Variants in LRRC52 observed in about 807,000 individuals in gnomAD.
The protein encoded by LRRC52 is leucine rich repeat containing 52, also known as leucine-rich repeat-containing protein 52.
LRRC52 carries 15 observed loss-of-function variants against 14.7 expected under a neutral mutation model. The observed-to-expected ratio is 1.02, with a 90% CI of 0.68 to 1.58. The LOEUF (loss-of-function observed/expected upper bound fraction) is 1.58, where lower values mean the gene tolerates loss of function less well. Ranked by LOEUF, LRRC52 falls within the 40% of genes most tolerant of loss-of-function variation. The pLI is 0.00. For synonymous variants in LRRC52, 180 were observed against 163.9 expected, an observed-to-expected ratio of 1.10 and a Z score of -0.75; for missense variants, 400 against 387.7, an observed-to-expected ratio of 1.03 and a Z score of -0.27.
rs1010254780 is a variant in LRRC52 at position 165,562,087 on chromosome 1, T to C, written c.623-1418T>C. 3.3e-5 allele frequency among the ~76,000 whole-genome samples: 5 copies of C among 152,314 alleles called. No homozygotes were observed. The East Asian group carries it at 9.7e-4, about 29-fold the overall frequency. ...CTCCACAATAGCTCCTGTTTGCAAA[T>C]CCCACTTACGCAAAGCAAGCTCACA... is the stretch of plus-strand genomic sequence containing the variant. On this transcript the variant is annotated intron_variant, in intron 1 of 1. Coordinates refer to ENST00000294818, the MANE Select transcript of LRRC52 (RefSeq NM_001005214.4).
intron 1 of LRRC52, among the ~76,000 whole-genome samples, chr1:165,557,434 G>C (rs906410485): frequency 6.6e-6 from 1 of 152,174 alleles, no homozygotes; most frequent in South Asian, 2.1e-4. Context: ...CTCCACCTGA[G>C]CATTACGTCA....
chr1:165,548,272 A>G (rs1355302681), intron 1 of LRRC52, among the ~76,000 whole-genome samples: 1 of 152,222 alleles, frequency 6.6e-6, no homozygotes, highest in African/African-American at 2.4e-5. Context: ...TTGAAAAGCA[A>G]TGCAGTGAAG....
rs1422965626 is a variant in LRRC52, at chr1:165,544,756, T to C, written c.460T>C (p.Tyr154His). 2 of 1,613,866 alleles carry C rather than the reference T, an allele frequency of 1.2e-6. No individual in the cohort carries two copies. Among genetic ancestry groups the C allele is most frequent in the Non-Finnish European group, 1.7e-6 (2 of 1,179,992 alleles). Residue 154 changes from tyrosine to histidine, a missense_variant, in exon 1 of 2, where the codon TAC (tyrosine) becomes CAC (histidine). Physicochemically the swap from Tyr to His is moderately conservative, Grantham distance 83. Coordinates refer to ENST00000294818, the MANE Select transcript of LRRC52 (RefSeq NM_001005214.4). Reference sequence around the variant, plus strand: ...CTTTGCCAACACCACCTCTTTGAGGTACCTGGACCTCAGAAATACCGGCTT... The same window carrying C: ...CTTTGCCAACACCACCTCTTTGAGGCACCTGGACCTCAGAAATACCGGCTT... Reference protein sequence around the residue: ...FTFANTTSLRYLDLRNTGLQT... With the variant: ...FTFANTTSLRHLDLRNTGLQT...
intron 1 of LRRC52, among the ~76,000 whole-genome samples, chr1:165,557,446 G>C (rs191103090): frequency 6.6e-6 from 1 of 152,206 alleles, no homozygotes; most frequent in East Asian, 1.9e-4. Flanking sequence ...ATTACGTCAG[G>C]GACAGTGAGC....
rs192411316 is a variant in LRRC52, at chr1:165,550,492, A to G, written c.622+5574A>G. Among the ~76,000 whole-genome samples, 222 of 152,348 alleles carry G rather than the reference A, an allele frequency of 1.5e-3. 1 individual carries two copies. The highest frequency in any genetic ancestry group is 5.3e-3 in the African/African-American group (219 of 41,582). ...TACATTTAAATAGCCACCTAAGGCT[A>G]CTGGCTACCATACTGGTTAGGGTAG... On this transcript the variant is annotated intron_variant, in intron 1 of 1. Transcript: ENST00000294818.
chr1:165,563,678 A>C lies in LRRC52; in HGVS notation c.796A>C (p.Thr266Pro). The stretch of plus-strand genomic sequence containing the variant: ...CGCGGGAACTGTGGCTGCCTGGCTC[A>C]CAGGTGTGTGTGCTGTGCTCTACCA... ...FAAGTVAAWL[T>P]GVCAVLYQNT... Residue 266 changes from threonine (T) to proline (P), a missense_variant, in exon 2 of 2, where the codon ACA (threonine) becomes CCA (proline). Coordinates refer to ENST00000294818, the MANE Select transcript of LRRC52 (RefSeq NM_001005214.4). The C allele has an allele frequency of 6.2e-7, 1 of 1,614,178 alleles. No homozygotes were observed.
intron 1 of LRRC52, among the ~76,000 whole-genome samples, chr1:165,550,920 A>G (rs1471889514): frequency 1.3e-5 from 2 of 152,102 alleles, no homozygotes; most frequent in Non-Finnish European, 2.9e-5. Flanking sequence ...CCTTAAAATA[A>G]AGGATTTGGG....
At chr1:165,545,088 A>C (rs1422905414) in intron 1 of LRRC52, among the ~76,000 whole-genome samples, 170 bp downstream of exon 1, 1 of 152,170 alleles carries the variant, frequency 6.6e-6, no homozygotes, top group Non-Finnish European at 1.5e-5. Context: ...AGTAAGAAAA[A>C]GTTCTGAAAT....
intron 1 of LRRC52, among the ~76,000 whole-genome samples, chr1:165,550,395 C>T (rs1159094182): frequency 4.6e-5 from 7 of 152,258 alleles, no homozygotes; most frequent in South Asian, 2.1e-4. Context: ...AGTCACTAGC[C>T]GCATGTGGCC....
rs753418467 is a variant in LRRC52, at chr1:165,544,520, TC to T, written c.226del (p.Leu76SerfsTer17). 5.6e-6 allele frequency: 9 copies of T among 1,614,028 alleles called. No individual in the cohort carries two copies. The Admixed American group carries it at 1.5e-4, about 27-fold the overall frequency. ...ITSLPAMHLG[L>X]LSDLVYLDCQ... is the part of the protein sequence containing the mutation. The stretch of plus-strand genomic sequence containing the variant: ...AGTTTGCCAGCAATGCATCTAGGAC[TC>T]CTCAGTGACCTTGTTTATTTGGACT... On this transcript the variant is annotated frameshift_variant, in exon 1 of 2. Transcript: ENST00000294818. LOFTEE classifies it high-confidence loss of function.
At chr1:165,551,567 T>A (rs929354897) in intron 1 of LRRC52, among the ~76,000 whole-genome samples, 3 of 151,578 alleles carry the variant, frequency 2.0e-5, no homozygotes, top group African/African-American at 7.3e-5. Context: ...GGACAGAGAG[T>A]CCCCTCTGTG....
intron 1 of LRRC52, among the ~76,000 whole-genome samples, chr1:165,553,935 A>G (rs1661184693): frequency 1.3e-5 from 2 of 152,194 alleles, no homozygotes; most frequent in African/African-American, 4.8e-5. Flanking sequence ...TTAGGCGACT[A>G]TAAAATATCC....
chr1:165,547,006 A>G (rs907831200), intron 1 of LRRC52, among the ~76,000 whole-genome samples: 1 of 152,050 alleles, frequency 6.6e-6, no homozygotes, highest in Non-Finnish European at 1.5e-5. Context: ...CACAACTGCT[A>G]ATTTGCTCAT....
In LRRC52 at chr1:165,563,537, G is replaced by A; in HGVS notation, c.655G>A (p.Glu219Lys). Residue 219 changes from glutamate (E) to lysine (K), a missense_variant, in exon 2 of 2, where the codon GAG (glutamate) becomes AAG (lysine). Coordinates refer to ENST00000294818, the MANE Select transcript of LRRC52 (RefSeq NM_001005214.4). ...DLNATCVEPTELTGWPITRVG... is the reference protein window; with the variant it reads ...DLNATCVEPTKLTGWPITRVG... ...AAATGCCACATGTGTGGAGCCCACA[G>A]AGCTGACAGGGTGGCCCATCACCCG... 1 of 1,614,128 alleles carries A rather than the reference G, an allele frequency of 6.2e-7. No individual in the cohort carries two copies. Among genetic ancestry groups the A allele is most frequent in the East Asian group, 2.2e-5 (1 of 44,878 alleles).
chr1:165,545,721 C>T (rs902630902), intron 1 of LRRC52, among the ~76,000 whole-genome samples: 26 of 152,144 alleles, frequency 1.7e-4, no homozygotes, highest in Non-Finnish European at 5.9e-5. Context: ...TTCATTCCCT[C>T]TTTATCTTAG....
At chr1:165,552,263 C>A (rs946686595) in intron 1 of LRRC52, among the ~76,000 whole-genome samples, 2 of 152,220 alleles carry the variant, frequency 1.3e-5, no homozygotes, top group African/African-American at 2.4e-5. Context: ...CAGATTTCTA[C>A]ACCTGGCCCC....
chr1:165,548,009 A>AT (rs1377912985), intron 1 of LRRC52, among the ~76,000 whole-genome samples: 10 of 152,234 alleles, frequency 6.6e-5, no homozygotes, highest in Non-Finnish European at 1.5e-5. Flanking sequence ...CCACCTATTT[A>AT]TACCACATTT....
At chr1:165,560,796 T>C (rs961332305) in intron 1 of LRRC52, among the ~76,000 whole-genome samples, 19 of 151,926 alleles carry the variant, frequency 1.3e-4, no homozygotes, top group African/African-American at 4.6e-4. Flanking sequence ...TAATATGTAG[T>C]TTAATTTAAC....
chr1:165,553,061 T>A (rs1056552750), intron 1 of LRRC52, among the ~76,000 whole-genome samples: 5 of 152,186 alleles, frequency 3.3e-5, no homozygotes, highest in African/African-American at 7.2e-5. Context: ...GGACAGGGCA[T>A]AAAATATACA....
Sources: gnomAD v4.1 joint callset for allele counts (sites outside exome capture counted in the v4.1 genomes callset) on GRCh38, gnomAD v4.1.1 for gene constraint, MANE v1.5 for transcripts, NCBI Gene and HGNC (gene_info 2026-07-23, HGNC 2026-07-21) for gene names.